The following COL4A5 variants were observed in gnomAD, a reference collection of about 807,000 sequenced individuals.
The protein encoded by COL4A5 is collagen type IV alpha 5 chain.
A neutral mutation model predicts 130.2 loss-of-function variants in COL4A5; 26 were observed. That is an observed-to-expected ratio of 0.20 (90% confidence interval 0.15 to 0.28). COL4A5 has a LOEUF of 0.28. Among genes scored for constraint, COL4A5 ranks in the 10% least tolerant of loss-of-function variants. The probability of loss-of-function intolerance (pLI) is 1.00; values close to 1 mark genes in which losing one functional copy is unlikely to be tolerated. For synonymous variants in COL4A5, 496 were observed against 439.6 expected, an observed-to-expected ratio of 1.13 and a Z score of -1.60; for missense variants, 1,131 against 1,344.3, an observed-to-expected ratio of 0.84 and a Z score of 2.48.
At chrX:108,487,458 TA>T (rs759640905) in intron 1 of COL4A5, among the ~76,000 whole-genome samples, 2 of 110,314 alleles carry the variant, frequency 1.8e-5, no homozygotes, top group South Asian at 3.8e-4. Context: ...CAACATCTAT[TA>T]TTTTTTTATT....
Position 108,620,340 on chromosome X carries a change from G to T in COL4A5, c.2591G>T (p.Ser864Ile), listed in dbSNP as rs899444075. 3 of 1,206,628 alleles carry T rather than the reference G, an allele frequency of 2.5e-6. No individual in the cohort carries two copies. Among genetic ancestry groups the T allele is most frequent in the Non-Finnish European group, 3.4e-6 (3 of 892,715 alleles). ...CCAGGACCCCCAGGTGAAAGAGGCA[G>T]TCCAGGGATCCCCGGAGCACCTGGT... is the stretch of plus-strand genomic sequence containing the variant. The part of the protein sequence containing the change: ...DVPGPPGERG[S>I]PGIPGAPGPI... The change falls in exon 31 of 53, where the codon AGT (serine) becomes ATT (isoleucine). Residue 864 changes from serine to isoleucine, a missense_variant. Physicochemically the swap from Ser to Ile is moderately radical, Grantham distance 142. Coordinates refer to ENST00000328300, the MANE Select transcript of COL4A5 (RefSeq NM_033380.3).
chrX:108,515,907 T>C (rs1256225895), intron 1 of COL4A5, among the ~76,000 whole-genome samples: 1 of 111,618 alleles, frequency 9.0e-6, no homozygotes, highest in Non-Finnish European at 1.9e-5. Context: ...CAGCCAGAAC[T>C]GTAGCATTCC....
chrX:108,474,064 A>G (rs1400272302), intron 1 of COL4A5, among the ~76,000 whole-genome samples: 1 of 111,621 alleles, frequency 9.0e-6, no homozygotes, highest in African/African-American at 3.3e-5. Flanking sequence ...TTAATTTATT[A>G]TTGAAGGAAG....
rs765001018 is a variant in COL4A5 at position 108,668,383 on chromosome X, C to T, written c.3669C>T (p.Gly1223=). 13 of 1,209,188 alleles carry T rather than the reference C, an allele frequency of 1.1e-5. No homozygotes were observed. In the East Asian group the frequency reaches 1.5e-4, roughly 14 times the overall value. ...PGNPGLPGPK[G]EPGFHGFPGV... ...ATCCTGGCCTTCCAGGTCCAAAGGG[C>T]GAACCAGGCTTTCACGGTTTCCCTG... Residue 1223 remains glycine, a synonymous_variant, in exon 41 of 53, where the codon GGC becomes GGT. Coordinates refer to ENST00000328300, the MANE Select transcript of COL4A5 (RefSeq NM_033380.3).
At chrX:108,611,006 T>C (rs1335655293) in intron 29 of COL4A5, among the ~76,000 whole-genome samples, 3 of 110,933 alleles carry the variant, frequency 2.7e-5, no homozygotes, top group Non-Finnish European at 3.8e-5. Context: ...TATGAAAATG[T>C]ATCACTAATA....
Position 108,473,633 on chromosome X carries a change from A to AT in COL4A5, c.81+33440dup, listed in dbSNP as rs1203616884. ...TATATGTATATATATATATATATAT[A>AT]TTTTTTTTTTTTTGAGATGAAGTCT... is the stretch of plus-strand genomic sequence containing the variant. On this transcript the variant is annotated intron_variant, in intron 1 of 52. Coordinates refer to ENST00000328300, the MANE Select transcript of COL4A5 (RefSeq NM_033380.3). 9.8e-4 allele frequency among the ~76,000 whole-genome samples: 34 copies of AT among 34,560 alleles called. No individual in the cohort carries two copies. The South Asian group carries it at 0.014, about 15-fold the overall frequency. The allele number at this position is 34,560 out of a possible 115,157, so 30.0% of individuals were successfully genotyped here. A position where few individuals can be genotyped will look rare whatever the true frequency, so the allele number is the denominator to read the frequency against.
intron 12 of COL4A5, 75 bp from the exon 13 acceptor site, chrX:108,578,216 C>A (rs2066186288): frequency 1.8e-6 from 2 of 1,119,394 alleles, no homozygotes; most frequent in Admixed American, 2.2e-5. Context: ...TTGAAGTTAT[C>A]TTATCTTACA....
intron 28 of COL4A5, among the ~76,000 whole-genome samples, chrX:108,605,353 G>C (rs907391035): frequency 1.8e-5 from 2 of 111,614 alleles, no homozygotes; most frequent in Non-Finnish European, 3.8e-5. Context: ...AAAGACCTGT[G>C]GAGAGGGAGA....
chrX:108,500,347 T>C (rs1387225887), intron 1 of COL4A5, among the ~76,000 whole-genome samples: 1 of 111,551 alleles, frequency 9.0e-6, no homozygotes, highest in Non-Finnish European at 1.9e-5. Flanking sequence ...TGGGACGAGG[T>C]CCAGGTTTTA....
At position 108,440,221 on chromosome X, in the gene COL4A5, C is replaced by G; in HGVS notation, c.81+15C>G. The G allele has an allele frequency of 8.9e-7, 1 of 1,129,078 alleles. No individual in the cohort carries two copies. Among genetic ancestry groups the G allele is most frequent in the Non-Finnish European group, 1.2e-6 (1 of 823,033 alleles). The allele number at this position is 1,129,078 out of a possible 1,213,427, so 93.0% of individuals were successfully genotyped here. A position where few individuals can be genotyped will look rare whatever the true frequency, so the allele number is the denominator to read the frequency against. On this transcript the variant is annotated intron_variant, in intron 1 of 52. Transcript: ENST00000328300. ...CAGAGGCTGCGGTAAGTCCTTCCTC[C>G]CCTCCCCCGCGCCCATCACCGCTCT...
intron 29 of COL4A5, 148 bp from the exon 30 acceptor site, chrX:108,614,763 C>T (rs2066895327): frequency 4.1e-6 from 2 of 492,763 alleles, no homozygotes; most frequent in Middle Eastern, 5.4e-4. Flanking sequence ...TAATAGATTC[C>T]CTATCCTTTG....
At chrX:108,485,390 C>G (rs1004487042) in intron 1 of COL4A5, among the ~76,000 whole-genome samples, 2 of 111,686 alleles carry the variant, frequency 1.8e-5, no homozygotes, top group African/African-American at 6.5e-5. Context: ...CAATAGCCAC[C>G]ACAGCTGGGA....
At chrX:108,648,538 C>G (rs2067657313) in intron 36 of COL4A5, among the ~76,000 whole-genome samples, 1 of 111,604 alleles carries the variant, frequency 9.0e-6, no homozygotes, top group African/African-American at 3.3e-5. Context: ...AGATAATCCA[C>G]CATGATCAGG....
At chrX:108,551,066 T>C (rs2065745751) in intron 2 of COL4A5, among the ~76,000 whole-genome samples, 1 of 111,711 alleles carries the variant, frequency 9.0e-6, no homozygotes, top group Non-Finnish European at 1.9e-5. Flanking sequence ...GGAAATACCA[T>C]TCTAGACATT....
chrX:108,621,045 T>C lies in COL4A5; in HGVS notation c.2677+619T>C, dbSNP rs1603297615. ...TTCTTTCTTTTTCCCTTTCTTTCTC[T>C]TTCTTTCTCTTTTCTTTCTTTCTTT... On this transcript the variant is annotated intron_variant, in intron 31 of 52. Coordinates refer to ENST00000328300, the MANE Select transcript of COL4A5 (RefSeq NM_033380.3). Among the ~76,000 whole-genome samples, 5 of 110,850 alleles carry C rather than the reference T, an allele frequency of 4.5e-5. No individual in the cohort carries two copies. The East Asian group carries it at 1.4e-3, about 32-fold the overall frequency.
intron 1 of COL4A5, among the ~76,000 whole-genome samples, chrX:108,456,970 G>A (rs1186387734): frequency 3.6e-5 from 4 of 111,354 alleles, no homozygotes; most frequent in Non-Finnish European, 7.5e-5. Flanking sequence ...TGGTAGATTG[G>A]ACCAGCACAG....
intron 4 of COL4A5, among the ~76,000 whole-genome samples, chrX:108,565,984 CTTTT>C (rs113282994): frequency 1.2e-5 from 1 of 86,756 alleles, no homozygotes. Flanking sequence ...GGCTATTCTT[CTTTT>C]TTTTTTTTTT....
intron 2 of COL4A5, among the ~76,000 whole-genome samples, chrX:108,542,195 G>C (rs2065553439): frequency 9.0e-6 from 1 of 111,170 alleles, no homozygotes; most frequent in Admixed American, 9.5e-5. Flanking sequence ...TGCCATGTTG[G>C]TGTGCTGCAC....
chrX:108,529,959 G>A (rs762326091), intron 1 of COL4A5, among the ~76,000 whole-genome samples: 3 of 111,011 alleles, frequency 2.7e-5, no homozygotes, highest in African/African-American at 9.8e-5. Flanking sequence ...TCAAAGTGGG[G>A]GTTTCAACAC....
Sources: allele counts gnomAD v4.1 joint callset (sites outside exome capture counted in the v4.1 genomes callset), GRCh38; gene constraint gnomAD v4.1.1; transcripts MANE v1.5; gene names NCBI Gene and HGNC (gene_info 2026-07-23, HGNC 2026-07-21).